The following KIAA1671 variants were observed in gnomAD, a reference collection of about 807,000 sequenced individuals.
KIAA1671 encodes the protein KIAA1671, also known as uncharacterized protein KIAA1671.
A neutral mutation model predicts 131.2 loss-of-function variants in KIAA1671; 52 were observed. The observed-to-expected ratio is 0.40, with a 90% CI of 0.32 to 0.50. KIAA1671 has a LOEUF of 0.50. Ranked by LOEUF, KIAA1671 falls within the 20% of genes least tolerant of loss-of-function variation. The pLI is 0.73. For synonymous variants in KIAA1671, 1,003 were observed against 961.6 expected (o/e 1.04, Z -0.80); for missense variants, 2,360 against 2,364.2 (o/e 1.00, Z 0.04).
chr22:25,153,759 T>A (rs545302116), intron 6 of KIAA1671, among the ~76,000 whole-genome samples: 24 of 152,328 alleles, frequency 1.6e-4, no homozygotes, highest in African/African-American at 5.3e-4. Context: ...TGGGCCCTTC[T>A]GCCACAGAGC....
At chr22:25,060,963 C>G (rs1568934291) in intron 6 of KIAA1671, 1 of 152,206 alleles carries the variant, frequency 6.6e-6, no homozygotes, top group Non-Finnish European at 1.5e-5. Context: ...TCACTGTGCT[C>G]TGTCCCCATT....
intron 8 of KIAA1671, 103 bp downstream of exon 8, chr22:25,174,592 G>A (rs1933962418): frequency 2.2e-6 from 3 of 1,335,970 alleles, no homozygotes; most frequent in Non-Finnish European, 3.0e-6. Context: ...GACCCTTGGA[G>A]TGGGTACGGA....
chr22:25,038,979 C>A lies in KIAA1671; in HGVS notation c.1849C>A (p.His617Asn). The part of the protein sequence containing the change: ...FQTVWATVFE[H>N]HVERHTVADQ... ...GACTGTGTGGGCCACAGTATTTGAGCACCACGTGGAGAGACACACAGTGGC... is the reference window on the plus strand; with the variant it reads ...GACTGTGTGGGCCACAGTATTTGAGAACCACGTGGAGAGACACACAGTGGC... Residue 617 changes from histidine (H) to asparagine (N), a missense_variant, in exon 5 of 13, where the codon CAC (histidine) becomes AAC (asparagine). Transcript: ENST00000358431. 6.4e-7 allele frequency: 1 copy of A among 1,551,742 alleles called. No homozygotes were observed. The highest frequency in any genetic ancestry group is 1.2e-5 in the South Asian group (1 of 84,058).
At chr22:25,153,883 G>C in intron 6 of KIAA1671, among the ~76,000 whole-genome samples, 1 of 152,316 alleles carries the variant, frequency 6.6e-6, no homozygotes, top group South Asian at 2.1e-4. Flanking sequence ...ATTGGAGCCC[G>C]GGTCTGCCTC....
At chr22:25,026,741 A>C (rs538431752) in intron 2 of KIAA1671, among the ~76,000 whole-genome samples, 99 of 152,226 alleles carry the variant, frequency 6.5e-4, no homozygotes, top group South Asian at 1.5e-3. Context: ...AAAAAAAAAA[A>C]AAGACAGAGC....
intron 1 of KIAA1671, among the ~76,000 whole-genome samples, chr22:24,984,073 T>A (rs1923379853): frequency 6.6e-6 from 1 of 152,150 alleles, no homozygotes; most frequent in South Asian, 2.1e-4. Flanking sequence ...CAACCGCGCC[T>A]GGCCGGTGTT....
chr22:25,154,138 T>A (rs1201600753), intron 6 of KIAA1671, among the ~76,000 whole-genome samples: 1 of 152,234 alleles, frequency 6.6e-6, no homozygotes, highest in Non-Finnish European at 1.5e-5. Context: ...AGCCTGCCTA[T>A]GCAGTGGGTT....
chr22:25,074,514 A>AAAAAAAAAAAAAAAAAAAAAAAG (rs59411918), intron 6 of KIAA1671, among the ~76,000 whole-genome samples: 1 of 117,426 alleles, frequency 8.5e-6, no homozygotes. Context: ...AAAAAAAAAA[A>AAAAAAAAAAAAAAAAAAAAAAAG]AAAGAAAGAA....
At chr22:25,009,911 C>G (rs1040459388) in intron 1 of KIAA1671, 1 of 152,242 alleles carries the variant, frequency 6.6e-6, no homozygotes, top group Non-Finnish European at 1.5e-5. Context: ...CAAGAACTGA[C>G]AAGTGACAGA....
At chr22:25,000,829 G>T (rs571658519) in intron 1 of KIAA1671, among the ~76,000 whole-genome samples, 2,822 of 124,250 alleles carry the variant, frequency 0.023, 59 homozygotes, top group African/African-American at 0.066. Flanking sequence ...TTTTTTTTTT[G>T]AACAGAGACA....
intron 1 of KIAA1671, among the ~76,000 whole-genome samples, chr22:24,975,555 AC>A (rs1388991065): frequency 6.6e-6 from 1 of 152,132 alleles, no homozygotes; most frequent in African/African-American, 2.4e-5. Flanking sequence ...TGCTGAAATT[AC>A]AGCTGTGAGC....
At chr22:25,089,008 A>G (rs1365550851) in intron 6 of KIAA1671, among the ~76,000 whole-genome samples, 1 of 152,218 alleles carries the variant, frequency 6.6e-6, no homozygotes, top group Non-Finnish European at 1.5e-5. Context: ...ATCTGTACTG[A>G]ACATGTACTG....
chr22:24,952,753 G>A lies in KIAA1671; in HGVS notation c.-227G>A, dbSNP rs1172879314. On this transcript the variant is annotated 5_prime_UTR_variant, in exon 1 of 13. Coordinates refer to ENST00000358431, the MANE Select transcript of KIAA1671 (RefSeq NM_001145206.2). This position sits in a 1 kb window ranked among gnomAD's most constrained non-coding sequence, Gnocchi z 4.5. ...CTGCGGGCAGGTGGCGGCGCGGCGC[G>A]GGCTGGCGGTGGCTCCACGGTAGGT... 5 of 154,864 alleles carry A rather than the reference G, an allele frequency of 3.2e-5. No individual in the cohort carries two copies. Among genetic ancestry groups the A allele is most frequent in the African/African-American group, 9.7e-5 (4 of 41,404 alleles). The allele number at this position is 154,864 out of a possible 1,614,324, so 9.6% of individuals were successfully genotyped here.
chr22:24,965,259 A>C (rs1018910325), intron 1 of KIAA1671, among the ~76,000 whole-genome samples: 1 of 151,920 alleles, frequency 6.6e-6, no homozygotes, highest in African/African-American at 2.4e-5. Context: ...TACTAAAAAT[A>C]CAAAAATTAG....
chr22:25,004,966 A>G (rs979226310), intron 1 of KIAA1671, among the ~76,000 whole-genome samples: 1 of 151,158 alleles, frequency 6.6e-6, no homozygotes, highest in Non-Finnish European at 1.5e-5. Flanking sequence ...AAAAAAGTGT[A>G]GAAGATTTGA....
At chr22:25,182,298 CTT>C (rs1934317502) in intron 10 of KIAA1671, among the ~76,000 whole-genome samples, 1 of 149,510 alleles carries the variant, frequency 6.7e-6, no homozygotes, top group Non-Finnish European at 1.5e-5. Flanking sequence ...ACCTCTTTCT[CTT>C]TCCTCCCTCC....
intron 6 of KIAA1671, among the ~76,000 whole-genome samples, chr22:25,105,320 C>T (rs1435965512): frequency 6.6e-6 from 1 of 152,152 alleles, no homozygotes; most frequent in African/African-American, 2.4e-5. Context: ...CCACGCCTGG[C>T]CCATTTTCTG....
chr22:24,988,336 C>G (rs1923664118), intron 1 of KIAA1671, among the ~76,000 whole-genome samples: 1 of 151,282 alleles, frequency 6.6e-6, no homozygotes, highest in South Asian at 2.1e-4. Flanking sequence ...ACTGGGAGCA[C>G]TTGTTATTTT....
At chr22:25,138,442 T>C (rs1470110670) in intron 6 of KIAA1671, among the ~76,000 whole-genome samples, 1 of 152,230 alleles carries the variant, frequency 6.6e-6, no homozygotes, top group East Asian at 1.9e-4. Flanking sequence ...CCTTGCAGTA[T>C]GGTCTGCCTG....
Sources: gnomAD v4.1 joint callset for allele counts (sites outside exome capture counted in the v4.1 genomes callset) on GRCh38, gnomAD v4.1.1 for gene constraint, Gnocchi (gnomAD v3.1) non-coding constraint, MANE v1.5 for transcripts, NCBI Gene and HGNC (gene_info 2026-07-23, HGNC 2026-07-21) for gene names.